NEBL: variants seen among roughly 807,000 people sequenced by gnomAD.
NEBL encodes nebulette, also known as LIM and SH3 protein 2.
Under a neutral mutation model 140.2 loss-of-function variants are expected in NEBL, and 122 were observed. That is an observed-to-expected ratio of 0.87 (90% CI 0.75 to 1.01). The LOEUF (loss-of-function observed/expected upper bound fraction) is 1.01, where lower values mean the gene tolerates loss of function less well. Ranked by LOEUF, NEBL falls within the 50% of genes least tolerant of loss-of-function variation. The pLI is 0.00. For missense variants in NEBL, 1,365 were observed against 1,231.3 expected, an observed-to-expected ratio of 1.11 and a Z score of -1.62; for synonymous variants, 436 against 398.9, an observed-to-expected ratio of 1.09 and a Z score of -1.11.
intron 3 of NEBL, among the ~76,000 whole-genome samples, chr10:21,219,569 T>G (rs1404207468): frequency 6.6e-6 from 1 of 152,254 alleles, no homozygotes; most frequent in East Asian, 1.9e-4. Context: ...AAGACTGCTT[T>G]GACTATTCCT....
At chr10:20,909,899 A>G (rs1049619302) in intron 4 of NEBL, among the ~76,000 whole-genome samples, 3 of 152,220 alleles carry the variant, frequency 2.0e-5, no homozygotes, top group Admixed American at 6.5e-5. Flanking sequence ...CAGGAAAAAA[A>G]AAGTGTTTTA....
chr10:21,074,885 C>A (rs1039032997), intron 2 of NEBL, among the ~76,000 whole-genome samples: 1 of 152,096 alleles, frequency 6.6e-6, no homozygotes, highest in Non-Finnish European at 1.5e-5. Flanking sequence ...CTCACTGCAG[C>A]TTTGAACTCC....
intron 2 of NEBL, among the ~76,000 whole-genome samples, chr10:21,077,515 G>A (rs1308921633): frequency 6.6e-6 from 1 of 152,078 alleles, no homozygotes; most frequent in Non-Finnish European, 1.5e-5. Flanking sequence ...GCTGAGGCAG[G>A]AGAATGGCGT....
intron 4 of NEBL, among the ~76,000 whole-genome samples, chr10:20,959,602 A>C (rs1223656870): frequency 2.0e-5 from 3 of 152,182 alleles, no homozygotes; most frequent in Non-Finnish European, 4.4e-5. Context: ...AATGAATAAT[A>C]AATTCACCAG....
intron 16 of NEBL, among the ~76,000 whole-genome samples, chr10:20,829,913 A>C (rs1477646437): frequency 1.3e-5 from 2 of 152,170 alleles, no homozygotes; most frequent in East Asian, 3.8e-4. Flanking sequence ...GGTGCTCAGG[A>C]GGTATTTACC....
At chr10:21,202,441 C>T (rs1413366412) in intron 3 of NEBL, among the ~76,000 whole-genome samples, 1 of 141,856 alleles carries the variant, frequency 7.0e-6, no homozygotes, top group Non-Finnish European at 1.5e-5. Flanking sequence ...GATTCACCTT[C>T]TAATTTTTCT....
At chr10:20,932,940 T>C (rs989673881) in intron 4 of NEBL, among the ~76,000 whole-genome samples, 4 of 152,214 alleles carry the variant, frequency 2.6e-5, no homozygotes, top group Non-Finnish European at 1.5e-5. Flanking sequence ...CTTGCATAAA[T>C]ATTAATGTGT....
rs937595012 is a variant in NEBL at position 21,183,844 on chromosome 10, T to C, written n.349-11367A>G. Among the ~76,000 whole-genome samples the C allele has an allele frequency of 2.0e-5, 3 of 152,268 alleles. No individual in the cohort carries two copies. The South Asian group carries it at 6.2e-4, about 32-fold the overall frequency. The stretch of plus-strand genomic sequence containing the variant: ...AAGGACCCAGTGAAAGGTAATTGAA[T>C]CATGGGGGAGGGTCTTTCCCATGCT... On this transcript the variant is annotated intron_variant and non_coding_transcript_variant, in intron 3 of 8. Coordinates refer to the NEBL transcript ENST00000675702.
intron 19 of NEBL, 57 bp from the exon 20 acceptor site, chr10:20,819,573 C>T (rs1839081470): frequency 1.3e-6 from 2 of 1,595,758 alleles, no homozygotes; most frequent in Non-Finnish European, 8.6e-7. Context: ...CGTCCCAAAA[C>T]ATTGCAACAG....
chr10:21,202,894 G>A (rs1441158147), intron 3 of NEBL, among the ~76,000 whole-genome samples: 2 of 152,194 alleles, frequency 1.3e-5, no homozygotes, highest in East Asian at 1.9e-4. Context: ...AGTAGCATCA[G>A]AATGTAAACC....
chr10:21,189,307 A>C (rs1435907218), intron 3 of NEBL, among the ~76,000 whole-genome samples: 2 of 152,116 alleles, frequency 1.3e-5, no homozygotes, highest in African/African-American at 4.8e-5. Context: ...TAGAGACTGG[A>C]GTGATGCAAC....
intron 1 of NEBL, among the ~76,000 whole-genome samples, chr10:21,291,917 AAAAAAG>A (rs1366455684): frequency 2.0e-5 from 3 of 152,236 alleles, no homozygotes; most frequent in East Asian, 1.9e-4. Flanking sequence ...AAATAAAAAT[AAAAAAG>A]AAAAAGAAAA....
chr10:21,058,736 C>T (rs529198340), intron 2 of NEBL, among the ~76,000 whole-genome samples: 31 of 152,324 alleles, frequency 2.0e-4, no homozygotes, highest in African/African-American at 7.0e-4. Context: ...AACTTAAAGA[C>T]ATTTCAAACA....
At chr10:21,080,498 T>C (rs1015251248) in intron 2 of NEBL, among the ~76,000 whole-genome samples, 1 of 152,244 alleles carries the variant, frequency 6.6e-6, no homozygotes, top group African/African-American at 2.4e-5. Flanking sequence ...TCAACAACTA[T>C]TCTGTTGGAT....
intron 13 of NEBL, among the ~76,000 whole-genome samples, chr10:20,839,155 G>A (rs566474926): frequency 5.9e-5 from 9 of 152,024 alleles, no homozygotes; most frequent in South Asian, 2.1e-4. Flanking sequence ...CTCCTAGGCC[G>A]GTTCTTCCTT....
intron 3 of NEBL, among the ~76,000 whole-genome samples, chr10:21,193,031 A>G (rs1841597926): frequency 6.6e-6 from 1 of 152,178 alleles, no homozygotes; most frequent in Non-Finnish European, 1.5e-5. Flanking sequence ...TTCAGCGATA[A>G]GAAGTTTGCT....
intron 3 of NEBL, among the ~76,000 whole-genome samples, chr10:21,243,833 C>G (rs182704251): frequency 6.7e-6 from 1 of 149,714 alleles, no homozygotes; most frequent in East Asian, 2.0e-4. Flanking sequence ...GTAGAAACAG[C>G]GAAAGAAAAG....
chr10:21,106,783 G>A (rs577777331), intron 2 of NEBL, among the ~76,000 whole-genome samples: 2 of 152,272 alleles, frequency 1.3e-5, no homozygotes, highest in East Asian at 3.9e-4. Flanking sequence ...GGGCAGTATG[G>A]CCATTTTCAG....
rs548155747 is a variant in NEBL at position 21,062,158 on chromosome 10, A to T, written c.165-41957T>A. Reference sequence around the variant, plus strand: ...AGTCTGACTTATATTTTATGTGCCAAGTTTTTAGCATTTCAGCAGGTGCAA... The same window carrying T: ...AGTCTGACTTATATTTTATGTGCCATGTTTTTAGCATTTCAGCAGGTGCAA... On this transcript the variant is annotated intron_variant, in intron 2 of 6. Transcript: ENST00000417816. Among the ~76,000 whole-genome samples, 75 of 152,338 alleles carry T rather than the reference A, an allele frequency of 4.9e-4. 1 individual carries two copies. Among genetic ancestry groups the T allele is most frequent in the African/African-American group, 1.8e-3 (74 of 41,580 alleles).
Sources: allele counts gnomAD v4.1 joint callset (sites outside exome capture counted in the v4.1 genomes callset), GRCh38; gene constraint gnomAD v4.1.1; transcripts MANE v1.5; gene names NCBI Gene and HGNC (gene_info 2026-07-23, HGNC 2026-07-21).